IQGAP2: variants seen among roughly 807,000 people sequenced by gnomAD.
IQGAP2 encodes IQ motif containing GTPase activating protein 2.
In IQGAP2, 173 loss-of-function variants were observed where a neutral mutation model predicts 201.3. The observed-to-expected ratio is 0.86, with a 90% confidence interval of 0.76 to 0.98. The LOEUF (loss-of-function observed/expected upper bound fraction) is 0.98. Among genes scored for constraint, IQGAP2 ranks in the 50% least tolerant of loss-of-function variants. IQGAP2 has a pLI of 0.00. For synonymous variants in IQGAP2, 675 were observed against 673.9 expected (o/e 1.00, Z -0.03); for missense variants, 1,687 against 1,864.8 (o/e 0.90, Z 1.76).
At position 76,640,997 on chromosome 5, in the gene IQGAP2, TGCTTCTTC is replaced by T; in HGVS notation, c.1993_2000del (p.Leu665SerfsTer10). Reference sequence around the variant, plus strand: ...AATATATGGTCTGCTTCAGAAGAGTTGCTTCTTCGCTTTCAAGCCACAAGCTCAGGACC... The same window carrying T: ...AATATATGGTCTGCTTCAGAAGAGTTGCTTTCAAGCCACAAGCTCAGGACC... On this transcript the variant is annotated frameshift_variant, in exon 17 of 36. Transcript: ENST00000274364. LOFTEE classifies it high-confidence loss of function. 6.2e-7 allele frequency: 1 copy of T among 1,610,374 alleles called. No individual in the cohort carries two copies.
intron 2 of IQGAP2, among the ~76,000 whole-genome samples, chr5:76,522,082 G>A (rs1041171183): frequency 1.5e-4 from 23 of 152,130 alleles, no homozygotes; most frequent in African/African-American, 5.3e-4. Context: ...TCTCCACTAA[G>A]GAGCCCTGTC....
chr5:76,476,368 G>C (rs1231689598), intron 2 of IQGAP2, among the ~76,000 whole-genome samples: 1 of 152,220 alleles, frequency 6.6e-6, no homozygotes, highest in African/African-American at 2.4e-5. Flanking sequence ...TGGGAGAAAC[G>C]TTTATTTGGG....
At chr5:76,508,451 A>G (rs747492523) in intron 2 of IQGAP2, among the ~76,000 whole-genome samples, 5 of 152,240 alleles carry the variant, frequency 3.3e-5, no homozygotes, top group Non-Finnish European at 7.3e-5. Flanking sequence ...CAGCAATGAG[A>G]TATCACTATA....
chr5:76,582,992 G>C (rs1220026472), intron 5 of IQGAP2, among the ~76,000 whole-genome samples: 1 of 152,156 alleles, frequency 6.6e-6, no homozygotes, highest in Admixed American at 6.5e-5. Context: ...TTTTGGTGTG[G>C]TAGGAGGCTT....
chr5:76,576,259 C>T (rs1745468064), intron 5 of IQGAP2, among the ~76,000 whole-genome samples: 1 of 152,032 alleles, frequency 6.6e-6, no homozygotes, highest in Non-Finnish European at 1.5e-5. Context: ...AATTTGTACC[C>T]TAAGGATAAA....
At chr5:76,442,930 TAAGGC>T (rs2150106280) in intron 1 of IQGAP2, among the ~76,000 whole-genome samples, 1 of 152,296 alleles carries the variant, frequency 6.6e-6, no homozygotes, top group African/African-American at 2.4e-5. Flanking sequence ...GAGGTTGCAA[TAAGGC>T]AAGATCGTGC....
chr5:76,485,238 C>G (rs1159361859), intron 2 of IQGAP2, among the ~76,000 whole-genome samples: 7 of 152,212 alleles, frequency 4.6e-5, no homozygotes, highest in African/African-American at 1.7e-4. Flanking sequence ...ACCCAATTCT[C>G]TGGATGACCA....
chr5:76,667,171 C>A (rs1399175262), intron 22 of IQGAP2, among the ~76,000 whole-genome samples: 1 of 142,962 alleles, frequency 7.0e-6, no homozygotes, highest in Non-Finnish European at 1.6e-5. Flanking sequence ...GAGTAGGCAT[C>A]TTTCTTTAGT....
chr5:76,580,311 G>C (rs975068416), intron 5 of IQGAP2, among the ~76,000 whole-genome samples: 2 of 150,064 alleles, frequency 1.3e-5, no homozygotes, highest in African/African-American at 4.9e-5. Context: ...GGTGGCACAC[G>C]CCTGTAGTCC....
intron 6 of IQGAP2, among the ~76,000 whole-genome samples, chr5:76,589,182 G>T (rs1211066038): frequency 6.6e-6 from 1 of 151,940 alleles, no homozygotes; most frequent in Non-Finnish European, 1.5e-5. Context: ...CGTGGTGGGG[G>T]GCTCCTGTAG....
chr5:76,650,845 C>T (rs1752463936), intron 17 of IQGAP2, among the ~76,000 whole-genome samples: 1 of 152,128 alleles, frequency 6.6e-6, no homozygotes, highest in African/African-American at 2.4e-5. Flanking sequence ...CTAGCTGTTC[C>T]CCCTATTAGT....
intron 8 of IQGAP2, among the ~76,000 whole-genome samples, chr5:76,592,273 A>G (rs960987509): frequency 6.6e-6 from 1 of 152,222 alleles, no homozygotes; most frequent in Non-Finnish European, 1.5e-5. Flanking sequence ...TTGGCTCACC[A>G]TGGACACACT....
intron 1 of IQGAP2, among the ~76,000 whole-genome samples, chr5:76,448,728 CAT>C (rs1753550925): frequency 6.6e-6 from 1 of 152,168 alleles, no homozygotes; most frequent in South Asian, 2.1e-4. Context: ...CAGCTCTAAA[CAT>C]GTTGCAAGAA....
At chr5:76,445,936 A>T (rs1279922259) in intron 1 of IQGAP2, among the ~76,000 whole-genome samples, 1 of 152,174 alleles carries the variant, frequency 6.6e-6, no homozygotes, top group East Asian at 1.9e-4. Context: ...GTGGACTCAT[A>T]CAGTGTTTCT....
Position 76,693,512 on chromosome 5 carries a change from T to C in IQGAP2, c.3993+70T>C, listed in dbSNP as rs80044107. On this transcript the variant is annotated intron_variant, in intron 31 of 35. Transcript: ENST00000274364. ...TTTCTTCATAAATCTTTATGCCATA[T>C]GTTTATTATCTCAGAGAAACTGTAT... 2,053 of 1,010,776 alleles carry C rather than the reference T, an allele frequency of 2.0e-3. 33 individuals carry two copies. The African/African-American group carries it at 0.029, about 14-fold the overall frequency. 62.6% of individuals were successfully genotyped at this position (1,010,776 alleles called of 1,614,324 possible).
intron 27 of IQGAP2, among the ~76,000 whole-genome samples, chr5:76,676,314 A>G (rs995901319): frequency 6.6e-6 from 1 of 152,164 alleles, no homozygotes; most frequent in Non-Finnish European, 1.5e-5. Context: ...AATTATAACC[A>G]AAGCAGCATA....
rs768932684 is a variant in IQGAP2 at position 76,677,248 on chromosome 5, T to C, written c.3558T>C (p.Pro1186=). ...ATTTCAAAGAAGCATGTAATGTCCC[T>C]GAGCCAGAAGAGAAGTTTAATATGG... ...RKYFKEACNV[P]EPEEKFNMDK... The change falls in exon 28 of 36, where the codon CCT becomes CCC. Residue 1186 remains proline, a synonymous_variant. Transcript: ENST00000274364. 1 of 1,613,680 alleles carries C rather than the reference T, an allele frequency of 6.2e-7. No individual in the cohort carries two copies. The highest frequency in any genetic ancestry group is 8.5e-7 in the Non-Finnish European group (1 of 1,179,676).
intron 8 of IQGAP2, among the ~76,000 whole-genome samples, chr5:76,591,860 C>G (rs562211933): frequency 6.6e-6 from 1 of 152,266 alleles, no homozygotes; most frequent in South Asian, 2.1e-4. Context: ...CTTTGTACCC[C>G]ATTATATCAG....
chr5:76,538,614 C>T (rs1367518743), intron 2 of IQGAP2, among the ~76,000 whole-genome samples: 1 of 152,202 alleles, frequency 6.6e-6, no homozygotes, highest in East Asian at 1.9e-4. Flanking sequence ...AGGAGTCTCA[C>T]TCAATTCATT....
Sources: gnomAD v4.1 joint callset for allele counts (sites outside exome capture counted in the v4.1 genomes callset) on GRCh38, gnomAD v4.1.1 for gene constraint, MANE v1.5 for transcripts, NCBI Gene and HGNC (gene_info 2026-07-23, HGNC 2026-07-21) for gene names.